Variants in CRY1 observed in about 807,000 individuals in gnomAD.
CRY1 encodes cryptochrome circadian regulator 1, also known as cryptochrome-1.
CRY1 carries 45 observed loss-of-function variants against 76.0 expected under a neutral mutation model. That is an observed-to-expected ratio of 0.59 (90% CI 0.47 to 0.76). The LOEUF (loss-of-function observed/expected upper bound fraction) is 0.76. Ranked by LOEUF, CRY1 falls within the 30% of genes least tolerant of loss-of-function variation. CRY1 has a pLI of 0.00. For missense variants in CRY1, 587 were observed against 716.4 expected (o/e 0.82, Z 2.06); for synonymous variants, 248 against 244.0 (o/e 1.02, Z -0.15).
At chr12:107,074,029 A>G (rs968150236) in intron 1 of CRY1, among the ~76,000 whole-genome samples, 1 of 152,062 alleles carries the variant, frequency 6.6e-6, no homozygotes, top group African/African-American at 2.4e-5. Flanking sequence ...TCTTCATGGG[A>G]TCTCAAAATA....
intron 1 of CRY1, among the ~76,000 whole-genome samples, chr12:107,026,142 T>C (rs1305867692): frequency 2.5e-5 from 2 of 79,136 alleles, no homozygotes; most frequent in Non-Finnish European, 4.5e-5. Flanking sequence ...TACATATATA[T>C]TACATATATA....
chr12:107,075,613 AC>A (rs1278192666), intron 1 of CRY1, among the ~76,000 whole-genome samples: 1 of 152,210 alleles, frequency 6.6e-6, no homozygotes, highest in East Asian at 1.9e-4. Flanking sequence ...ACTCATTTAT[AC>A]ATTCAATACA....
chr12:107,011,964 G>A (rs965145614), intron 2 of CRY1, among the ~76,000 whole-genome samples: 2 of 152,180 alleles, frequency 1.3e-5, no homozygotes, highest in African/African-American at 2.4e-5. Context: ...GCTGAGGCAG[G>A]CAGATGCTTG....
In CRY1 at chr12:106,997,503, G is replaced by A. The variant is rs774813766; in HGVS notation, c.1477C>T (p.Arg493Ter). ...RMKQIYQQLS[R>*]YRGLGLLASV... Reference sequence around the variant, plus strand: ...CTTAACATACCTAGTCCTCTATATCGTGAAAGCTGCTGATAGATCTGTTTC... The same window carrying A: ...CTTAACATACCTAGTCCTCTATATCATGAAAGCTGCTGATAGATCTGTTTC... The change falls in exon 9 of 13, where the codon CGA becomes TGA. Residue 493 changes from arginine to a stop codon, truncating the protein, a stop_gained. Coordinates refer to ENST00000008527, the MANE Select transcript of CRY1 (RefSeq NM_004075.5). LOFTEE classifies it high-confidence loss of function. 14 of 1,613,866 alleles carry A rather than the reference G, an allele frequency of 8.7e-6. No individual in the cohort carries two copies. The highest frequency in any genetic ancestry group is 3.3e-5 in the Admixed American group (2 of 60,022).
intron 2 of CRY1, among the ~76,000 whole-genome samples, chr12:107,016,121 C>A (rs1262154231): frequency 1.3e-5 from 2 of 152,052 alleles, no homozygotes; most frequent in African/African-American, 4.8e-5. Context: ...ACCAGGCTGG[C>A]CAACATGGTG....
chr12:107,027,169 G>A (rs1476107126), intron 1 of CRY1, among the ~76,000 whole-genome samples: 1 of 152,072 alleles, frequency 6.6e-6, no homozygotes, highest in Non-Finnish European at 1.5e-5. Flanking sequence ...CCTTAACTGG[G>A]AAAGGATTAG....
chr12:107,072,999 T>C (rs1382228402), intron 1 of CRY1: 2 of 152,124 alleles, frequency 1.3e-5, no homozygotes, highest in Non-Finnish European at 2.9e-5. Flanking sequence ...TTGTGGAAAA[T>C]GATCATCATT....
At chr12:106,993,962 C>T (rs377028032) in intron 10 of CRY1, among the ~76,000 whole-genome samples, 3 of 152,148 alleles carry the variant, frequency 2.0e-5, no homozygotes, top group East Asian at 3.9e-4. Context: ...TTCCTGAGCA[C>T]ATGTGCACAC....
chr12:107,007,656 A>G (rs1157696323), intron 2 of CRY1, among the ~76,000 whole-genome samples: 2 of 151,842 alleles, frequency 1.3e-5, no homozygotes, highest in African/African-American at 4.8e-5. Context: ...CAACCTCCCG[A>G]GTAGCTAGGA....
intron 3 of CRY1, among the ~76,000 whole-genome samples, chr12:107,003,328 T>C (rs1952333309): frequency 1.3e-5 from 2 of 152,226 alleles, no homozygotes; most frequent in Admixed American, 1.3e-4. Flanking sequence ...AACTACTCTT[T>C]TTCACTATGG....
chr12:107,024,852 C>T (rs997665556), intron 1 of CRY1, among the ~76,000 whole-genome samples: 2 of 152,124 alleles, frequency 1.3e-5, no homozygotes, highest in African/African-American at 4.8e-5. Context: ...ATATAACTTA[C>T]ATCTCTCATT....
chr12:107,015,484 C>T (rs1952489533), intron 2 of CRY1, among the ~76,000 whole-genome samples: 1 of 152,046 alleles, frequency 6.6e-6, no homozygotes, highest in Non-Finnish European at 1.5e-5. Context: ...GCTAGGACCA[C>T]AGGCATGCGC....
intron 1 of CRY1, among the ~76,000 whole-genome samples, chr12:107,080,819 T>C (rs1953314120): frequency 6.6e-6 from 1 of 152,168 alleles, no homozygotes; most frequent in Non-Finnish European, 1.5e-5. Flanking sequence ...TCAGCCACTA[T>C]TAGACATCTT....
chr12:107,004,993 TA>T, intron 3 of CRY1, 112 bp downstream of exon 3: 7 of 926,122 alleles, frequency 7.6e-6, no homozygotes, highest in Non-Finnish European at 1.1e-5. Flanking sequence ...AAACCTCAGT[TA>T]AAAACTTATC....
At chr12:107,067,569 A>AT (rs1346119688) in intron 1 of CRY1, among the ~76,000 whole-genome samples, 2 of 152,200 alleles carry the variant, frequency 1.3e-5, no homozygotes, top group African/African-American at 4.8e-5. Context: ...AAGGCAAAAA[A>AT]AAAAAACTTC....
At chr12:107,004,627 A>G (rs967042242) in intron 3 of CRY1, among the ~76,000 whole-genome samples, 8 of 152,212 alleles carry the variant, frequency 5.3e-5, no homozygotes. Flanking sequence ...GACTACAGCT[A>G]TGCAATGTTA....
In CRY1 at chr12:107,004,095, G is replaced by A. The variant is rs1278356673; in HGVS notation, c.410+1011C>T. On this transcript the variant is annotated intron_variant, in intron 3 of 12. Coordinates refer to ENST00000008527, the MANE Select transcript of CRY1 (RefSeq NM_004075.5). ...GCTGGGATTACAGGTGTGAGCCATC[G>A]CGCCTAGCCTAAACAATTTTATGCA... Among the ~76,000 whole-genome samples the A allele has an allele frequency of 2.6e-5, 4 of 152,100 alleles. No homozygotes were observed. The South Asian group carries it at 6.2e-4, about 24-fold the overall frequency.
chr12:107,093,193 C>G lies in CRY1; in HGVS notation c.-232G>C. 1 of 490,914 alleles carries G rather than the reference C, an allele frequency of 2.0e-6. No individual in the cohort carries two copies. The highest frequency in any genetic ancestry group is 2.0e-5 in the African/African-American group (1 of 50,076). The allele number at this position is 490,914 out of a possible 1,614,324, so 30.4% of individuals were successfully genotyped here. A position where few individuals can be genotyped will look rare whatever the true frequency, so the allele number is the denominator to read the frequency against. ...TAGTCGGCGGAGTCCGGGTGTGACG[C>G]CCTTTAGGAGCCCGCGCCCGCCGCA... On this transcript the variant is annotated 5_prime_UTR_variant, in exon 1 of 13. Coordinates refer to ENST00000008527, the MANE Select transcript of CRY1 (RefSeq NM_004075.5).
intron 1 of CRY1, among the ~76,000 whole-genome samples, chr12:107,089,624 C>T (rs1407222608): frequency 2.0e-5 from 3 of 151,816 alleles, no homozygotes; most frequent in Non-Finnish European, 4.4e-5. Context: ...CTGTTAAATC[C>T]AAAAGTCTAA....
Sources: gnomAD v4.1 joint callset for allele counts (sites outside exome capture counted in the v4.1 genomes callset) on GRCh38, gnomAD v4.1.1 for gene constraint, MANE v1.5 for transcripts, NCBI Gene and HGNC (gene_info 2026-07-23, HGNC 2026-07-21) for gene names.